SBF2: variants seen among roughly 807,000 people sequenced by gnomAD.
SBF2 encodes myotubularin-related protein 13.
In SBF2, 112 loss-of-function variants were observed where a neutral mutation model predicts 225.2. That is an observed-to-expected ratio of 0.50 (90% CI 0.43 to 0.58). The LOEUF is 0.58. Ranked by LOEUF, SBF2 falls within the 20% of genes least tolerant of loss-of-function variation. The pLI is 0.00. For synonymous variants in SBF2, 763 were observed against 773.3 expected, an observed-to-expected ratio of 0.99 and a Z score of 0.22; for missense variants, 1,996 against 2,206.2, an observed-to-expected ratio of 0.90 and a Z score of 1.91.
At position 10,173,931 on chromosome 11, in the gene SBF2, C is replaced by T. The variant is rs540355425; in HGVS notation, c.141+19971G>A. On this transcript the variant is annotated intron_variant, in intron 2 of 39. Transcript: ENST00000256190. Reference sequence around the variant, plus strand: ...CACCTCACAGGGCCGGGTACTCCAACAGACCTGCAGCTGAGGGTCCTGTCT... The same window carrying T: ...CACCTCACAGGGCCGGGTACTCCAATAGACCTGCAGCTGAGGGTCCTGTCT... 2.0e-5 allele frequency among the ~76,000 whole-genome samples: 3 copies of T among 151,936 alleles called. No individual in the cohort carries two copies. The South Asian group carries it at 6.2e-4, about 32-fold the overall frequency.
chr11:10,056,955 C>T (rs1389771192), intron 2 of SBF2, among the ~76,000 whole-genome samples: 1 of 152,152 alleles, frequency 6.6e-6, no homozygotes. Flanking sequence ...CAATCCCGTT[C>T]CTCCTCACTG....
intron 2 of SBF2, among the ~76,000 whole-genome samples, chr11:10,075,229 C>T (rs1408442118): frequency 1.3e-5 from 2 of 152,136 alleles, no homozygotes; most frequent in Non-Finnish European, 2.9e-5. Flanking sequence ...CCTCAGTTTT[C>T]CTTGAACACA....
intron 2 of SBF2, among the ~76,000 whole-genome samples, chr11:10,140,590 A>G (rs1373852248): frequency 1.3e-5 from 2 of 152,152 alleles, no homozygotes; most frequent in East Asian, 1.9e-4. Flanking sequence ...TAATAAACTG[A>G]CACTCATAAG....
chr11:10,042,794 C>T lies in SBF2; in HGVS notation c.279+50G>A. The T allele has an allele frequency of 1.9e-6, 3 of 1,594,610 alleles. No homozygotes were observed. The African/African-American group carries it at 4.0e-5, about 21-fold the overall frequency. On this transcript the variant is annotated intron_variant, in intron 3 of 39. Transcript: ENST00000256190. ...AAAAATATGGCATATAAAAAACATT[C>T]CTAAATGTTGTACCTTCGACTGTAC...
At chr11:10,174,125 C>T (rs1012628979) in intron 2 of SBF2, among the ~76,000 whole-genome samples, 3 of 152,146 alleles carry the variant, frequency 2.0e-5, no homozygotes, top group Non-Finnish European at 2.9e-5. Flanking sequence ...CAAAGCAACA[C>T]AGTTCCTCAC....
chr11:9,797,108 G>C (rs1853171845), intron 32 of SBF2, among the ~76,000 whole-genome samples: 1 of 152,150 alleles, frequency 6.6e-6, no homozygotes, highest in Admixed American at 6.5e-5. Context: ...ACTAAATTTA[G>C]GCAAGCTGTC....
chr11:10,136,890 T>C (rs2135120875), intron 2 of SBF2, among the ~76,000 whole-genome samples: 1 of 152,364 alleles, frequency 6.6e-6, no homozygotes, highest in East Asian at 1.9e-4. Context: ...CTAAATTGTT[T>C]TAGCTATTCT....
At chr11:10,254,246 T>C (rs2135494494) in intron 1 of SBF2, among the ~76,000 whole-genome samples, 1 of 152,104 alleles carries the variant, frequency 6.6e-6, no homozygotes, top group South Asian at 2.1e-4. Flanking sequence ...TTTTAAAAAT[T>C]AGCTGGGCAT....
chr11:10,206,449 A>G (rs1040921979), intron 1 of SBF2, among the ~76,000 whole-genome samples: 44 of 152,192 alleles, frequency 2.9e-4, no homozygotes, highest in Admixed American at 1.3e-3. Context: ...TCCAGGATAT[A>G]GTAAAAAAGC....
intron 25 of SBF2, among the ~76,000 whole-genome samples, chr11:9,841,263 A>G (rs1190472649): frequency 2.0e-5 from 3 of 152,202 alleles, no homozygotes; most frequent in African/African-American, 7.2e-5. Flanking sequence ...ACATTATATA[A>G]TTTGGTCTTT....
chr11:9,856,339 A>T lies in SBF2; in HGVS notation c.2363+119T>A. On this transcript the variant is annotated intron_variant, in intron 19 of 39. Transcript: ENST00000256190. ...TGAGCAAGTCCAAAGGTGAGGAAAA[A>T]TGGTTAACTTTTGAAATATGTACAG... 3.0e-6 allele frequency: 4 copies of T among 1,325,086 alleles called. No individual in the cohort carries two copies. The South Asian group carries it at 3.6e-5, about 12-fold the overall frequency. The allele number at this position is 1,325,086 out of a possible 1,614,324, so 82.1% of individuals were successfully genotyped here.
chr11:10,001,476 C>G lies in SBF2; in HGVS notation c.753-454G>C, dbSNP rs1590724075. On this transcript the variant is annotated intron_variant, in intron 7 of 39. Coordinates refer to ENST00000256190, the MANE Select transcript of SBF2 (RefSeq NM_030962.4). The stretch of plus-strand genomic sequence containing the variant: ...AAGAATGGCAAAAAAAAGGGGGGGG[C>G]CAATAATTACCTTATCTAAAAAGTT... Among the ~76,000 whole-genome samples the G allele has an allele frequency of 2.6e-5, 4 of 151,738 alleles. No individual in the cohort carries two copies. The South Asian group carries it at 6.3e-4, about 24-fold the overall frequency.
At chr11:10,253,254 C>A (rs1960544233) in intron 1 of SBF2, among the ~76,000 whole-genome samples, 1 of 151,408 alleles carries the variant, frequency 6.6e-6, no homozygotes, top group South Asian at 2.1e-4. Flanking sequence ...ACAGATCTGA[C>A]TTTTTAAACT....
At chr11:10,170,535 T>C (rs947285618) in intron 2 of SBF2, among the ~76,000 whole-genome samples, 4 of 152,214 alleles carry the variant, frequency 2.6e-5, no homozygotes, top group African/African-American at 7.2e-5. Flanking sequence ...TATAGCTCTG[T>C]AGTTTAATTT....
chr11:10,143,740 C>T (rs1032494590), intron 2 of SBF2, among the ~76,000 whole-genome samples: 8 of 149,112 alleles, frequency 5.4e-5, no homozygotes, highest in Admixed American at 1.3e-4. Flanking sequence ...TTTTTTTAGA[C>T]GAAGTCTCGC....
At chr11:9,812,020 GA>G (rs1030308247) in intron 30 of SBF2, among the ~76,000 whole-genome samples, 1 of 152,014 alleles carries the variant, frequency 6.6e-6, no homozygotes, top group African/African-American at 2.4e-5. Flanking sequence ...TGAACTGAAA[GA>G]TGATAGACAC....
intron 15 of SBF2, among the ~76,000 whole-genome samples, chr11:9,962,755 A>G (rs773305270): frequency 2.6e-5 from 4 of 152,162 alleles, no homozygotes; most frequent in Admixed American, 6.5e-5. Context: ...CTTCACATAT[A>G]ATAATAATAA....
chr11:9,919,215 T>C (rs1863376650), intron 16 of SBF2, among the ~76,000 whole-genome samples: 1 of 152,058 alleles, frequency 6.6e-6, no homozygotes, highest in Admixed American at 6.5e-5. Context: ...TCACATTCTC[T>C]AGCTGATTTT....
At chr11:10,039,517 G>T (rs1949571106) in intron 3 of SBF2, among the ~76,000 whole-genome samples, 1 of 151,702 alleles carries the variant, frequency 6.6e-6, no homozygotes, top group South Asian at 2.1e-4. Context: ...TCAAAATCTT[G>T]GAAAAACTGA....
Sources: gnomAD v4.1 joint callset for allele counts (sites outside exome capture counted in the v4.1 genomes callset) on GRCh38, gnomAD v4.1.1 for gene constraint, MANE v1.5 for transcripts, NCBI Gene and HGNC (gene_info 2026-07-23, HGNC 2026-07-21) for gene names.